Variants in CAMK4 observed in about 807,000 individuals in gnomAD.
CAMK4 encodes the protein calcium/calmodulin-dependent protein kinase type IV.
Under a neutral mutation model 44.9 loss-of-function variants are expected in CAMK4, and 22 were observed. The observed-to-expected ratio is 0.49, with a 90% confidence interval of 0.35 to 0.70. The LOEUF is 0.70. Ranked by LOEUF, CAMK4 falls within the 30% of genes least tolerant of loss-of-function variation. The pLI, the probability that CAMK4 is intolerant of heterozygous loss-of-function variation, is 0.01. For synonymous variants in CAMK4, 218 were observed against 215.4 expected, an observed-to-expected ratio of 1.01 and a Z score of -0.11; for missense variants, 498 against 586.8, an observed-to-expected ratio of 0.85 and a Z score of 1.56.
At chr5:111,330,579 CAA>C (rs1749124519) in intron 1 of CAMK4, among the ~76,000 whole-genome samples, 1 of 151,444 alleles carries the variant, frequency 6.6e-6, no homozygotes, top group African/African-American at 2.4e-5. Context: ...CAGAATACCC[CAA>C]GTTATAATTA....
intron 2 of CAMK4, among the ~76,000 whole-genome samples, chr5:111,354,379 A>G (rs530339197): frequency 1.9e-3 from 283 of 152,094 alleles, no homozygotes; most frequent in African/African-American, 6.6e-3. Flanking sequence ...TATGGGAAGT[A>G]TAATTAATAA....
At chr5:111,434,708 TCCAAAGCAGACATGACA>T (rs1188256509) in intron 5 of CAMK4, among the ~76,000 whole-genome samples, 5 of 152,210 alleles carry the variant, frequency 3.3e-5, no homozygotes, top group African/African-American at 1.2e-4. Context: ...CTACTAGGTC[TCCAAAGCAGACATGACA>T]CCAAAATAGG....
intron 4 of CAMK4, among the ~76,000 whole-genome samples, chr5:111,381,116 A>G (rs1260123095): frequency 5.3e-5 from 8 of 152,212 alleles, no homozygotes; most frequent in Admixed American, 5.2e-4. Context: ...GAAGGAAATC[A>G]GAGGCATCAG....
intron 1 of CAMK4, among the ~76,000 whole-genome samples, chr5:111,281,710 G>A (rs1480791882): frequency 1.3e-5 from 2 of 152,172 alleles, no homozygotes; most frequent in African/African-American, 4.8e-5. Flanking sequence ...TATCAAGATA[G>A]AAGATGAAAG....
At chr5:111,399,876 A>G (rs1431205481) in intron 5 of CAMK4, among the ~76,000 whole-genome samples, 1 of 152,202 alleles carries the variant, frequency 6.6e-6, no homozygotes, top group African/African-American at 2.4e-5. Context: ...GCCTCAATAT[A>G]GTAATACCTC....
intron 5 of CAMK4, among the ~76,000 whole-genome samples, chr5:111,404,372 A>G (rs1554068480): frequency 1.3e-5 from 2 of 152,220 alleles, no homozygotes; most frequent in South Asian, 4.1e-4. Flanking sequence ...ATCTGGAGAA[A>G]GTTACTGAAA....
Position 111,485,409 on chromosome 5 carries a change from A to T in CAMK4, c.*943A>T, listed in dbSNP as rs1755578993. 1 of 152,182 alleles carries T rather than the reference A, an allele frequency of 6.6e-6. No homozygotes were observed. Among genetic ancestry groups the T allele is most frequent in the South Asian group, 2.1e-4 (1 of 4,834 alleles). The allele number at this position is 152,182 out of a possible 1,614,324, so 9.4% of individuals were successfully genotyped here. Reference sequence around the variant, plus strand: ...AATTACCAAGTTGCAAATATTTAGAAAATTCTATTTCACAGGTTAGTGCCA... The same window carrying T: ...AATTACCAAGTTGCAAATATTTAGATAATTCTATTTCACAGGTTAGTGCCA... On this transcript the variant is annotated 3_prime_UTR_variant, in exon 11 of 11. Transcript: ENST00000282356.
chr5:111,432,238 AAATAAG>A (rs1177644766), intron 5 of CAMK4, among the ~76,000 whole-genome samples: 1 of 152,150 alleles, frequency 6.6e-6, no homozygotes, highest in Middle Eastern at 3.2e-3. Context: ...TTTGTTAATG[AAATAAG>A]TCAGGCACAG....
In CAMK4 at chr5:111,329,603, A is replaced by G. The variant is rs138728812; in HGVS notation, c.162-14421A>G. Among the ~76,000 whole-genome samples the G allele has an allele frequency of 1.5e-3, 230 of 151,982 alleles. 3 individuals carry two copies. Among genetic ancestry groups the G allele is most frequent in the African/African-American group, 5.2e-3 (216 of 41,508 alleles). Reference sequence around the variant, plus strand: ...AGTCCTTTTATAATTATTAGCAAATAGAACCCAGAAGTATAAATAATACAT... The same window carrying G: ...AGTCCTTTTATAATTATTAGCAAATGGAACCCAGAAGTATAAATAATACAT... On this transcript the variant is annotated intron_variant, in intron 1 of 10. Transcript: ENST00000282356.
intron 1 of CAMK4, among the ~76,000 whole-genome samples, chr5:111,320,090 C>T (rs981050582): frequency 1.3e-5 from 2 of 152,126 alleles, no homozygotes; most frequent in African/African-American, 4.8e-5. Context: ...AAACCTTGTT[C>T]ATCACAAAAT....
chr5:111,359,640 A>G (rs1644495), intron 2 of CAMK4, among the ~76,000 whole-genome samples: 54,181 of 151,942 alleles, frequency 0.36, 10,633 homozygotes, highest in South Asian at 0.51. Flanking sequence ...TGGCATCTTC[A>G]TCATGAATTC....
At position 111,280,568 on chromosome 5, in the gene CAMK4, A is replaced by T. The variant is rs529022492; in HGVS notation, c.161+55924A>T. Among the ~76,000 whole-genome samples, 7 of 152,322 alleles carry T rather than the reference A, an allele frequency of 4.6e-5. No individual in the cohort carries two copies. In the South Asian group the frequency reaches 1.0e-3, roughly 23 times the overall value. ...CTTGGCACAAAAATGAGCACTCCAA[A>T]ATTCTAAATACAGTTGTTTCTATAG... On this transcript the variant is annotated intron_variant, in intron 1 of 10. Coordinates refer to ENST00000282356, the MANE Select transcript of CAMK4 (RefSeq NM_001744.6).
chr5:111,406,202 C>CTCTCTT (rs1752421352), intron 5 of CAMK4, among the ~76,000 whole-genome samples: 2 of 147,060 alleles, frequency 1.4e-5, no homozygotes, highest in African/African-American at 2.7e-5. Flanking sequence ...TTTTCTCTCT[C>CTCTCTT]TCTCTCTCTC....
intron 1 of CAMK4, among the ~76,000 whole-genome samples, chr5:111,338,984 G>T (rs1023888324): frequency 1.3e-5 from 2 of 151,288 alleles, no homozygotes; most frequent in African/African-American, 4.8e-5. Context: ...TTGTAATTCT[G>T]TGAAAAATGA....
intron 1 of CAMK4, among the ~76,000 whole-genome samples, chr5:111,343,369 T>C (rs1193956983): frequency 6.6e-6 from 1 of 151,784 alleles, no homozygotes; most frequent in Non-Finnish European, 1.5e-5. Flanking sequence ...CTGTTTGGTC[T>C]ATATTTCTCT....
rs1752730552 is a variant in CAMK4, at chr5:111,414,204, C to G, written c.459+19422C>G. Among the ~76,000 whole-genome samples the G allele has an allele frequency of 2.6e-5, 4 of 152,102 alleles. No homozygotes were observed. In the South Asian group the frequency reaches 8.3e-4, roughly 32 times the overall value. On this transcript the variant is annotated intron_variant, in intron 5 of 10. Coordinates refer to ENST00000282356, the MANE Select transcript of CAMK4 (RefSeq NM_001744.6). ...CTTCAGAATTGTCTCCCCTGAAAAC[C>G]CTTTGTTACTCCCAAAGCACAGAGT...
chr5:111,395,007 C>A (rs959706825), intron 5 of CAMK4, among the ~76,000 whole-genome samples: 1 of 151,672 alleles, frequency 6.6e-6, no homozygotes, highest in African/African-American at 2.4e-5. Flanking sequence ...TCAGGAGTTC[C>A]AGACCAGCCT....
chr5:111,346,585 T>C (rs765359276), intron 2 of CAMK4, among the ~76,000 whole-genome samples: 2 of 151,852 alleles, frequency 1.3e-5, no homozygotes, highest in African/African-American at 2.4e-5. Context: ...ACAAACTAGA[T>C]GACTTAAAAG....
chr5:111,423,911 A>G (rs1350592553), intron 5 of CAMK4, among the ~76,000 whole-genome samples: 4 of 152,316 alleles, frequency 2.6e-5, no homozygotes, highest in Middle Eastern at 3.4e-3. Flanking sequence ...CTTTACACCA[A>G]TAAGGCTATC....
Sources: gnomAD v4.1 joint callset for allele counts (sites outside exome capture counted in the v4.1 genomes callset) on GRCh38, gnomAD v4.1.1 for gene constraint, MANE v1.5 for transcripts, NCBI Gene and HGNC (gene_info 2026-07-23, HGNC 2026-07-21) for gene names.